MS4A18: variants seen among roughly 807,000 people sequenced by gnomAD.
The protein encoded by MS4A18 is membrane spanning 4-domains A18, also known as membrane-spanning 4-domains subfamily A member 18.
In MS4A18, 27 loss-of-function variants were observed where a neutral mutation model predicts 13.1. The observed-to-expected ratio is 2.06, with a 90% CI of 1.52 to 2.84. The LOEUF (loss-of-function observed/expected upper bound fraction) is 2.84, where lower values mean the gene tolerates loss of function less well. Ranked by LOEUF, MS4A18 falls within the 30% of genes most tolerant of loss-of-function variation. MS4A18 has a pLI of 0.00. For synonymous variants in MS4A18, 126 were observed against 76.5 expected, an observed-to-expected ratio of 1.65 and a Z score of -3.38; for missense variants, 307 against 196.4, an observed-to-expected ratio of 1.56 and a Z score of -3.37.
At chr11:60,737,489 A>G (rs193125385) in intron 3 of MS4A18, among the ~76,000 whole-genome samples, 66 of 152,330 alleles carry the variant, frequency 4.3e-4, no homozygotes, top group Non-Finnish European at 8.5e-4. Context: ...GATATTTTCC[A>G]TGATCCTCTT....
intron 1 of MS4A18, among the ~76,000 whole-genome samples, chr11:60,730,544 A>T (rs1159088892): frequency 6.6e-6 from 1 of 152,218 alleles, no homozygotes; most frequent in Non-Finnish European, 1.5e-5. Flanking sequence ...TAATTACAAT[A>T]CCTTCTGGCA....
chr11:60,743,561 G>C, intron 5 of MS4A18, 89 bp from the exon 7 acceptor site: 2 of 658,152 alleles, frequency 3.0e-6, no homozygotes, highest in South Asian at 3.5e-5. Flanking sequence ...CTACCTAAGG[G>C]TATGGAAACA....
At chr11:60,744,063 TC>T in exon 6 of MS4A18, 1 of 650,530 alleles carries the variant, frequency 1.5e-6, no homozygotes, top group South Asian at 1.7e-5. Flanking sequence ...TGTAGCTGTA[TC>T]TTTTCTTCTC....
At chr11:60,730,336 G>A (rs1853234285) in intron 1 of MS4A18, among the ~76,000 whole-genome samples, 1 of 152,158 alleles carries the variant, frequency 6.6e-6, no homozygotes, top group African/African-American at 2.4e-5. Flanking sequence ...TTCTGTTTTT[G>A]AGGCAGAAGC....
intron 2 of MS4A18, among the ~76,000 whole-genome samples, chr11:60,734,664 G>C (rs551815163): frequency 6.6e-6 from 1 of 152,294 alleles, no homozygotes; most frequent in South Asian, 2.1e-4. Flanking sequence ...CCAGGGGCTG[G>C]GGTAAGAGGG....
At chr11:60,734,351 G>T (rs1275413137) in intron 2 of MS4A18, among the ~76,000 whole-genome samples, 1 of 152,170 alleles carries the variant, frequency 6.6e-6, no homozygotes, top group Non-Finnish European at 1.5e-5. Flanking sequence ...TATGGGAGCC[G>T]ACTGCAAAAT....
At chr11:60,735,257 GTTTTTAAA>G (rs1853316765) in intron 2 of MS4A18, among the ~76,000 whole-genome samples, 1 of 151,892 alleles carries the variant, frequency 6.6e-6, no homozygotes, top group African/African-American at 2.4e-5. Flanking sequence ...ATCACACGTG[GTTTTTAAA>G]TTTTTAAATC....
intron 1 of MS4A18, among the ~76,000 whole-genome samples, chr11:60,733,052 T>C (rs1853280316): frequency 6.6e-6 from 1 of 152,240 alleles, no homozygotes; most frequent in Non-Finnish European, 1.5e-5. Context: ...CTGAGAACGA[T>C]GTTAACATCA....
intron 4 of MS4A18, among the ~76,000 whole-genome samples, chr11:60,739,609 G>C (rs1169444899): frequency 2.0e-5 from 3 of 152,170 alleles, no homozygotes; most frequent in African/African-American, 7.2e-5. Flanking sequence ...GCTACACCCT[G>C]TCCTGGAGTG....
At chr11:60,732,199 G>A (rs1346180588) in intron 1 of MS4A18, among the ~76,000 whole-genome samples, 2 of 152,112 alleles carry the variant, frequency 1.3e-5, no homozygotes. Flanking sequence ...AATCTCTCTG[G>A]TCCTTAAGGG....
chr11:60,733,009 A>G (rs1292653122), intron 1 of MS4A18, among the ~76,000 whole-genome samples: 1 of 152,268 alleles, frequency 6.6e-6, no homozygotes, highest in Non-Finnish European at 1.5e-5. Context: ...TGGAAAAATC[A>G]GATTCATCAC....
At chr11:60,735,211 A>G (rs1853316108) in intron 2 of MS4A18, among the ~76,000 whole-genome samples, 1 of 152,186 alleles carries the variant, frequency 6.6e-6, no homozygotes, top group Admixed American at 6.5e-5. Context: ...AAAAATGAAC[A>G]CCTACGTGTC....
chr11:60,725,819 G>A (rs906172), upstream of MS4A18, among the ~76,000 whole-genome samples: 8,897 of 152,144 alleles, frequency 0.058, 771 homozygotes, highest in African/African-American at 0.19. Context: ...GTTTGCCCGA[G>A]AAATGGTCAT....
chr11:60,739,483 G>A (rs1254040160), intron 4 of MS4A18, among the ~76,000 whole-genome samples: 1 of 152,150 alleles, frequency 6.6e-6, no homozygotes, highest in African/African-American at 2.4e-5. Flanking sequence ...CACTAGAGGA[G>A]GGAAGAAGTA....
intron 1 of MS4A18, among the ~76,000 whole-genome samples, chr11:60,732,730 C>CAAAAAAAA (rs200295786): frequency 1.4e-5 from 1 of 71,008 alleles, no homozygotes; most frequent in Non-Finnish European, 3.3e-5. Context: ...GACTCCGTCT[C>CAAAAAAAA]AAAAAAAAAA....
chr11:60,743,399 C>A (rs1853435266), intron 5 of MS4A18, among the ~76,000 whole-genome samples: 1 of 152,210 alleles, frequency 6.6e-6, no homozygotes, highest in Admixed American at 6.5e-5. Flanking sequence ...CTTGCATTAT[C>A]CAGCAGGCAG....
intron 5 of MS4A18, among the ~76,000 whole-genome samples, chr11:60,743,166 C>T (rs962045918): frequency 6.6e-6 from 1 of 152,190 alleles, no homozygotes; most frequent in Non-Finnish European, 1.5e-5. Context: ...TAGCTTTTGC[C>T]CCATATCAAA....
chr11:60,735,500 A>ATTTTTTTTTT (rs56136215), intron 2 of MS4A18, among the ~76,000 whole-genome samples: 837 of 109,594 alleles, frequency 7.6e-3, no homozygotes, highest in Middle Eastern at 0.011. Flanking sequence ...TGCCCGGCTA[A>ATTTTTTTTTT]TTTTTTTTTT....
upstream of MS4A18, among the ~76,000 whole-genome samples, chr11:60,726,834 T>A (rs953152585): frequency 2.0e-5 from 3 of 151,866 alleles, no homozygotes; most frequent in Admixed American, 2.0e-4. Context: ...TAGGTATACA[T>A]GTGCTATGGT....
Sources: gnomAD v4.1 joint callset for allele counts (sites outside exome capture counted in the v4.1 genomes callset) on GRCh38, gnomAD v4.1.1 for gene constraint, MANE v1.5 for transcripts, NCBI Gene and HGNC (gene_info 2026-07-23, HGNC 2026-07-21) for gene names.